The following CASK variants were observed in gnomAD, a reference collection of about 807,000 sequenced individuals.
The protein encoded by CASK is calcium/calmodulin dependent serine protein kinase.
Under a neutral mutation model 82.9 loss-of-function variants are expected in CASK, and 4 were observed. The observed-to-expected ratio is 0.05, with a 90% CI of 0.02 to 0.11. CASK has a LOEUF of 0.11. Among genes scored for constraint, CASK ranks in the 10% least tolerant of loss-of-function variants. The pLI, the probability that CASK is intolerant of heterozygous loss-of-function variation, is 1.00. For missense variants in CASK, 358 were observed against 720.9 expected (o/e 0.50, Z 5.76); for synonymous variants, 259 against 253.5 (o/e 1.02, Z -0.20).
At chrX:41,584,300 C>T (rs2065623958) in intron 14 of CASK, 1 of 112,508 alleles carries the variant, frequency 8.9e-6, no homozygotes, top group Non-Finnish European at 1.9e-5. Context: ...ATTCTGACTC[C>T]ACGAGGTTGA....
intron 5 of CASK, among the ~76,000 whole-genome samples, chrX:41,711,013 T>C (rs758985536): frequency 8.9e-6 from 1 of 111,856 alleles, no homozygotes; most frequent in African/African-American, 3.3e-5. Context: ...AACGGGTATA[T>C]GTAACTGGTT....
In CASK at chrX:41,553,883, T is replaced by G. The variant is rs1367069499; in HGVS notation, c.1875A>C (p.Pro625=). 8.3e-7 allele frequency: 1 copy of G among 1,206,361 alleles called. No individual in the cohort carries two copies. The highest frequency in any genetic ancestry group is 1.1e-6 in the Non-Finnish European group (1 of 890,649). ...IYVRAQFEYD[P]AKDDLIPCKE... Reference sequence around the variant, plus strand: ...TACAGGGGATGAGGTCATCCTTGGCTGGATCATATTCAAATTGTGCTCTTA... The same window carrying G: ...TACAGGGGATGAGGTCATCCTTGGCGGGATCATATTCAAATTGTGCTCTTA... Residue 625 remains proline, a synonymous_variant, in exon 21 of 27, where the codon CCA becomes CCC. Coordinates refer to ENST00000378163, the MANE Select transcript of CASK (RefSeq NM_001367721.1).
intron 5 of CASK, among the ~76,000 whole-genome samples, chrX:41,694,853 T>G (rs747415679): frequency 5.4e-5 from 6 of 111,787 alleles, no homozygotes; most frequent in Admixed American, 9.5e-5. Flanking sequence ...TTATTCCCAC[T>G]TATAGAATGA....
At chrX:41,846,238 A>T (rs1375074381) in intron 2 of CASK, among the ~76,000 whole-genome samples, 1 of 111,916 alleles carries the variant, frequency 8.9e-6, no homozygotes, top group East Asian at 2.8e-4. Flanking sequence ...GGTACTATTC[A>T]GTCATAAGGA....
chrX:41,661,411 C>T (rs1033768829), intron 7 of CASK, among the ~76,000 whole-genome samples: 3 of 111,285 alleles, frequency 2.7e-5, no homozygotes, highest in East Asian at 2.9e-4. Context: ...ATGTGAGCTA[C>T]CCAGTGCCAG....
intron 2 of CASK, among the ~76,000 whole-genome samples, chrX:41,841,064 A>ATT (rs1232178117): frequency 8.9e-6 from 1 of 111,868 alleles, no homozygotes. Flanking sequence ...TATACCTAGG[A>ATT]TGAGAATTGC....
intron 25 of CASK, among the ~76,000 whole-genome samples, chrX:41,530,668 G>T (rs1239507805): frequency 8.9e-6 from 1 of 112,563 alleles, no homozygotes. Flanking sequence ...GGTGGCTGTT[G>T]TGATAACAAA....
chrX:41,637,156 T>TCATGGACTATAACAATTACAGACTCTTC, intron 8 of CASK, among the ~76,000 whole-genome samples: 1 of 109,006 alleles, frequency 9.2e-6, no homozygotes, highest in Non-Finnish European at 1.9e-5. Context: ...TATTGCTATG[T>TCATGGACTATAACAATTACAGACTCTTC]TGCCCAGGTT....
intron 8 of CASK, among the ~76,000 whole-genome samples, chrX:41,642,861 T>C (rs1405359151): frequency 8.9e-6 from 1 of 112,265 alleles, no homozygotes; most frequent in Non-Finnish European, 1.9e-5. Context: ...GGCTTTCTTC[T>C]AGGGTTTTTA....
Position 41,517,525 on chromosome X carries a change from G to T in CASK, c.*2895C>A, listed in dbSNP as rs41310597. On this transcript the variant is annotated 3_prime_UTR_variant, in exon 27 of 27. Coordinates refer to ENST00000378163, the MANE Select transcript of CASK (RefSeq NM_001367721.1). ...CAGGACATTTCATCTTTTTAACAAA[G>T]AATTCAACATATAAAAACACTCCCT... 9,677 of 288,193 alleles carry T rather than the reference G, an allele frequency of 0.034. 239 individuals carry two copies. Among genetic ancestry groups the T allele is most frequent in the Admixed American group, 0.098 (1,861 of 18,987 alleles). The allele number at this position is 288,193 out of a possible 1,213,427, so 23.8% of individuals were successfully genotyped here. A position where few individuals can be genotyped will look rare whatever the true frequency, so the allele number is the denominator to read the frequency against.
intron 3 of CASK, among the ~76,000 whole-genome samples, chrX:41,767,414 C>T (rs769530145): frequency 1.2e-4 from 13 of 111,520 alleles, no homozygotes; most frequent in African/African-American, 4.2e-4. Context: ...TCCTGTATAC[C>T]ACTAAATGAA....
At chrX:41,670,750 G>T (rs2067185808) in intron 6 of CASK, among the ~76,000 whole-genome samples, 1 of 108,487 alleles carries the variant, frequency 9.2e-6, no homozygotes, top group South Asian at 4.0e-4. Flanking sequence ...GCAAGACATT[G>T]TCTGAAAGAA....
chrX:41,654,793 A>G (rs1405851927), intron 8 of CASK, among the ~76,000 whole-genome samples: 4 of 112,095 alleles, frequency 3.6e-5, no homozygotes, highest in African/African-American at 9.8e-5. Flanking sequence ...TGTTCTCCCA[A>G]TGTTAAGGGA....
intron 5 of CASK, among the ~76,000 whole-genome samples, chrX:41,682,466 T>C (rs1308043384): frequency 3.3e-5 from 3 of 91,087 alleles, no homozygotes; most frequent in Non-Finnish European, 6.3e-5. Flanking sequence ...GGCGGTAAAA[T>C]TGCTTAAACC....
chrX:41,594,608 T>G (rs1209857484), intron 12 of CASK, among the ~76,000 whole-genome samples: 1 of 111,936 alleles, frequency 8.9e-6, no homozygotes, highest in Non-Finnish European at 1.9e-5. Flanking sequence ...GGAGGCCGCC[T>G]GGGGCAGGCC....
At chrX:41,538,082 G>T (rs1257199670) in intron 22 of CASK, among the ~76,000 whole-genome samples, 1 of 110,865 alleles carries the variant, frequency 9.0e-6, no homozygotes, top group Non-Finnish European at 1.9e-5. Context: ...CTGGCCTCAA[G>T]TGATCTGCCC....
At position 41,770,861 on chromosome X, in the gene CASK, A is replaced by C. The variant is rs746351599; in HGVS notation, c.278+16317T>G. On this transcript the variant is annotated intron_variant, in intron 3 of 26. Coordinates refer to ENST00000378163, the MANE Select transcript of CASK (RefSeq NM_001367721.1). Reference sequence around the variant, plus strand: ...AAGACCAAAGCATGGAGAAAAAAAAACATGCAAAATACAGAAAAGAAGGTA... The same window carrying C: ...AAGACCAAAGCATGGAGAAAAAAAACCATGCAAAATACAGAAAAGAAGGTA... 1.3e-4 allele frequency among the ~76,000 whole-genome samples: 15 copies of C among 112,116 alleles called. 1 individual carries two copies. The South Asian group carries it at 4.1e-3, about 30-fold the overall frequency.
intron 21 of CASK, among the ~76,000 whole-genome samples, chrX:41,549,900 C>T (rs1185084053): frequency 9.4e-6 from 1 of 106,102 alleles, no homozygotes; most frequent in Non-Finnish European, 2.0e-5. Context: ...TGGCTCACAC[C>T]TGTAATCCTA....
chrX:41,545,017 T>C (rs1241198414), intron 21 of CASK, among the ~76,000 whole-genome samples: 1 of 104,245 alleles, frequency 9.6e-6, no homozygotes, highest in Admixed American at 1.0e-4. Flanking sequence ...ATTAATGTAC[T>C]AGTACTGCTG....
Sources: gnomAD v4.1 joint callset for allele counts (sites outside exome capture counted in the v4.1 genomes callset) on GRCh38, gnomAD v4.1.1 for gene constraint, MANE v1.5 for transcripts, NCBI Gene and HGNC (gene_info 2026-07-23, HGNC 2026-07-21) for gene names.